The following TMEM181 variants were observed in gnomAD, a reference collection of about 807,000 sequenced individuals.
TMEM181 encodes the protein G protein-coupled receptor 178.
A neutral mutation model predicts 71.9 loss-of-function variants in TMEM181; 39 were observed. The ratio of observed to expected loss-of-function variants is 0.54; its 90% confidence interval spans 0.42 to 0.71. The LOEUF (loss-of-function observed/expected upper bound fraction) is 0.71, where lower values mean the gene tolerates loss of function less well. Ranked by LOEUF, TMEM181 falls within the 30% of genes least tolerant of loss-of-function variation. The pLI is 0.00. For missense variants in TMEM181, 595 were observed against 583.0 expected, an observed-to-expected ratio of 1.02 and a Z score of -0.21; for synonymous variants, 245 against 228.8, an observed-to-expected ratio of 1.07 and a Z score of -0.64.
intron 1 of TMEM181, among the ~76,000 whole-genome samples, chr6:158,544,977 T>G (rs550386807): frequency 6.6e-6 from 1 of 152,356 alleles, no homozygotes; most frequent in African/African-American, 2.4e-5. Flanking sequence ...GAAAATGCCC[T>G]GGCAAGACTA....
intron 11 of TMEM181, 46 bp downstream of exon 11, chr6:158,623,653 T>A: frequency 7.4e-7 from 1 of 1,347,142 alleles, no homozygotes; most frequent in Non-Finnish European, 1.0e-6. Flanking sequence ...TTAATGCTGT[T>A]TTGTAAAATT....
chr6:158,595,457 C>T (rs9355248), intron 6 of TMEM181, among the ~76,000 whole-genome samples: 55,041 of 152,082 alleles, frequency 0.36, 11,039 homozygotes, highest in East Asian at 0.75. Context: ...AGCAGTAATG[C>T]ATACGTATAT....
At chr6:158,628,335 T>C (rs4708800) in intron 13 of TMEM181, 73 bp from the exon 14 acceptor site, 437,941 of 1,412,134 alleles carry the variant, frequency 0.31, 72,360 homozygotes, top group East Asian at 0.66. Context: ...ATGGGGTGAA[T>C]AGAGAATTCT....
At chr6:158,604,247 C>T (rs1257043784) in intron 6 of TMEM181, among the ~76,000 whole-genome samples, 1 of 152,208 alleles carries the variant, frequency 6.6e-6, no homozygotes, top group Admixed American at 6.5e-5. Flanking sequence ...AGGGGCACCC[C>T]TTGTTGTTTC....
At chr6:158,571,241 CA>C (rs1443054150) in intron 1 of TMEM181, among the ~76,000 whole-genome samples, 1 of 152,170 alleles carries the variant, frequency 6.6e-6, no homozygotes, top group Non-Finnish European at 1.5e-5. Flanking sequence ...GGACTGCAGG[CA>C]CCCGCCACCG....
At chr6:158,615,855 G>C (rs1785580098) in intron 10 of TMEM181, among the ~76,000 whole-genome samples, 1 of 152,094 alleles carries the variant, frequency 6.6e-6, no homozygotes, top group Non-Finnish European at 1.5e-5. Context: ...TCTCTGTTTT[G>C]TTACCAGTAC....
intron 2 of TMEM181, 81 bp from the exon 3 acceptor site, chr6:158,580,859 G>T: frequency 7.6e-7 from 1 of 1,317,972 alleles, no homozygotes; most frequent in South Asian, 1.3e-5. Context: ...TAATGTGTGA[G>T]TCTTTCTTGG....
intron 1 of TMEM181, among the ~76,000 whole-genome samples, chr6:158,560,918 C>T (rs572626670): frequency 3.3e-5 from 5 of 152,202 alleles, no homozygotes; most frequent in African/African-American, 9.6e-5. Context: ...TTTGACCCAG[C>T]AGTCGCCTAG....
chr6:158,591,020 G>A (rs765922717), intron 6 of TMEM181, among the ~76,000 whole-genome samples: 9 of 152,178 alleles, frequency 5.9e-5, no homozygotes, highest in African/African-American at 9.7e-5. Context: ...CCAGGTTGTC[G>A]CGGGATCAGT....
intron 1 of TMEM181, among the ~76,000 whole-genome samples, chr6:158,562,462 G>GTA (rs1782241650): frequency 6.7e-6 from 1 of 150,004 alleles, no homozygotes; most frequent in African/African-American, 2.4e-5. Context: ...GTGTGTGTGT[G>GTA]TGTGTGTGTG....
intron 1 of TMEM181, among the ~76,000 whole-genome samples, chr6:158,546,512 C>T (rs1264397168): frequency 1.3e-5 from 2 of 152,166 alleles, no homozygotes; most frequent in East Asian, 1.9e-4. Flanking sequence ...TGAAACTGAA[C>T]CCCAGGAAGG....
At chr6:158,593,949 G>A (rs538138524) in intron 6 of TMEM181, among the ~76,000 whole-genome samples, 1 of 151,940 alleles carries the variant, frequency 6.6e-6, no homozygotes, top group African/African-American at 2.4e-5. Flanking sequence ...ATTCCCTCTT[G>A]GTGTTGTACA....
At chr6:158,571,826 A>G (rs531164202) in intron 1 of TMEM181, among the ~76,000 whole-genome samples, 2 of 152,298 alleles carry the variant, frequency 1.3e-5, no homozygotes, top group South Asian at 4.1e-4. Context: ...TCTTGGGCAC[A>G]TGCACTCTCT....
chr6:158,536,960 G>T (rs1781134942), intron 1 of TMEM181: 2 of 946,936 alleles, frequency 2.1e-6, no homozygotes, highest in Non-Finnish European at 2.6e-6. Context: ...GCCTGGTCCC[G>T]CCGACGGCCG....
chr6:158,576,280 T>G (rs919844955), intron 2 of TMEM181, among the ~76,000 whole-genome samples: 2 of 152,180 alleles, frequency 1.3e-5, no homozygotes, highest in African/African-American at 2.4e-5. Context: ...TCCTAGCGCT[T>G]ATAGAAACCA....
In TMEM181 at chr6:158,589,756, C is replaced by G; in HGVS notation, c.466C>G (p.Leu156Val). 6.2e-7 allele frequency: 1 copy of G among 1,613,936 alleles called. No individual in the cohort carries two copies. The highest frequency in any genetic ancestry group is 8.5e-7 in the Non-Finnish European group (1 of 1,179,808). Reference sequence around the variant, plus strand: ...GATAGTGGGATTTGAACACCTGAAGCTCCCCATCAAGGGAATGAACTTCAC... The same window carrying G: ...GATAGTGGGATTTGAACACCTGAAGGTCCCCATCAAGGGAATGAACTTCAC... The part of the protein sequence containing the change: ...TVIVGFEHLK[L>V]PIKGMNFTWK... The change falls in exon 6 of 17, where the codon CTC (leucine) becomes GTC (valine). Residue 156 changes from leucine to valine, a missense_variant. Leu to Val is a conservative substitution (Grantham distance 32, BLOSUM62 1). Transcript: ENST00000684151.
At chr6:158,578,730 G>A (rs1318607630) in intron 2 of TMEM181, among the ~76,000 whole-genome samples, 1 of 152,170 alleles carries the variant, frequency 6.6e-6, no homozygotes, top group African/African-American at 2.4e-5. Flanking sequence ...ACAGAAGCAA[G>A]TTTCTCCTGA....
intron 1 of TMEM181, among the ~76,000 whole-genome samples, chr6:158,549,350 G>A (rs1374169350): frequency 1.3e-5 from 2 of 152,064 alleles, no homozygotes; most frequent in African/African-American, 4.8e-5. Flanking sequence ...TCCTGACGTC[G>A]TGATCCACCC....
intron 1 of TMEM181, among the ~76,000 whole-genome samples, chr6:158,546,728 G>A (rs1230587033): frequency 6.6e-6 from 1 of 152,234 alleles, no homozygotes; most frequent in Non-Finnish European, 1.5e-5. Context: ...GGAGGCCCAG[G>A]TGGGCGGATC....
Sources: allele counts gnomAD v4.1 joint callset (sites outside exome capture counted in the v4.1 genomes callset), GRCh38; gene constraint gnomAD v4.1.1; transcripts MANE v1.5; gene names NCBI Gene and HGNC (gene_info 2026-07-23, HGNC 2026-07-21).